The following FCRL2 variants were observed in gnomAD, a reference collection of about 807,000 sequenced individuals.
FCRL2 encodes Fc receptor like 2, also known as Fc receptor-like protein 2.
In FCRL2, 48 loss-of-function variants were observed where a neutral mutation model predicts 59.8. The ratio of observed to expected loss-of-function variants is 0.80; its 90% CI spans 0.64 to 1.02. The LOEUF (loss-of-function observed/expected upper bound fraction) is 1.02. FCRL2 is among the 50% of genes least tolerant of loss of function. The probability of loss-of-function intolerance (pLI) is 0.00; values close to 1 mark genes in which losing one functional copy is unlikely to be tolerated. For synonymous variants in FCRL2, 251 were observed against 229.5 expected, an observed-to-expected ratio of 1.09 and a Z score of -0.85; for missense variants, 658 against 597.3, an observed-to-expected ratio of 1.10 and a Z score of -1.06.
chr1:157,775,627 G>T, intron 2 of FCRL2, 148 bp downstream of exon 2: 1 of 711,432 alleles, frequency 1.4e-6, no homozygotes, highest in Non-Finnish European at 2.2e-6. Context: ...TTGGAAACAG[G>T]CTGCGTGACC....
At chr1:157,768,307 C>G (rs1211852288) in intron 5 of FCRL2, 107 bp downstream of exon 5, 2 of 1,190,048 alleles carry the variant, frequency 1.7e-6, no homozygotes, top group African/African-American at 3.1e-5. Context: ...GCTTTTGGTT[C>G]TCCACAGCAC....
At chr1:157,757,834 C>T (rs768348092) in intron 7 of FCRL2, among the ~76,000 whole-genome samples, 7 of 152,158 alleles carry the variant, frequency 4.6e-5, no homozygotes, top group African/African-American at 7.2e-5. Flanking sequence ...TGGTGGCGGA[C>T]GCCTGCAGTC....
At chr1:157,775,901 C>T (rs1650374926) in intron 1 of FCRL2, 106 bp from the exon 2 acceptor site, 2 of 1,235,326 alleles carry the variant, frequency 1.6e-6, no homozygotes, top group South Asian at 1.4e-5. Context: ...TCCATTTTCC[C>T]TTTCTTTTCT....
At chr1:157,755,545 G>A (rs1648520581) in intron 7 of FCRL2, among the ~76,000 whole-genome samples, 1 of 152,082 alleles carries the variant, frequency 6.6e-6, no homozygotes, top group Admixed American at 6.6e-5. Flanking sequence ...GTACATGTAA[G>A]AAATGACATC....
At chr1:157,760,748 A>AAAGAAAGAAAG in intron 7 of FCRL2, among the ~76,000 whole-genome samples, 1 of 149,174 alleles carries the variant, frequency 6.7e-6, no homozygotes, top group African/African-American at 2.5e-5. Flanking sequence ...AGAAAGAAAG[A>AAAGAAAGAAAG]AAGAAAGAAG....
intron 7 of FCRL2, among the ~76,000 whole-genome samples, chr1:157,761,174 T>C (rs11807232): frequency 8.9e-4 from 135 of 152,288 alleles, no homozygotes; most frequent in African/African-American, 3.2e-3. Context: ...GTGAAACTTA[T>C]GGGAGGAGAA....
chr1:157,776,328 G>C (rs1650410148), intron 1 of FCRL2, among the ~76,000 whole-genome samples: 1 of 152,110 alleles, frequency 6.6e-6, no homozygotes, highest in African/African-American at 2.4e-5. Context: ...GGAGTACAAT[G>C]GTGCGATCTT....
At chr1:157,772,622 A>G (rs757415489) in intron 2 of FCRL2, among the ~76,000 whole-genome samples, 1 of 152,248 alleles carries the variant, frequency 6.6e-6, no homozygotes, top group Admixed American at 6.5e-5. Context: ...CTAGTTGTGA[A>G]GAGCCAGATC....
intron 7 of FCRL2, among the ~76,000 whole-genome samples, chr1:157,760,698 GGAAA>G (rs1163684979): frequency 0.1 from 9,774 of 96,718 alleles, 462 homozygotes; most frequent in South Asian, 0.17. Flanking sequence ...AAAGAAAGAA[GGAAA>G]GAAAGAAAGA....
chr1:157,759,674 A>C (rs930601234), intron 7 of FCRL2, among the ~76,000 whole-genome samples: 1 of 152,246 alleles, frequency 6.6e-6, no homozygotes, highest in African/African-American at 2.4e-5. Context: ...ACATATATGC[A>C]GCCAAAAATC....
At position 157,746,107 on chromosome 1, in the gene FCRL2, C is replaced by T. The variant is rs1557849347; in HGVS notation, c.*629G>A. 6.6e-6 allele frequency: 1 copy of T among 152,168 alleles called. No individual in the cohort carries two copies. The highest frequency in any genetic ancestry group is 1.5e-5 in the Non-Finnish European group (1 of 68,040). The allele number at this position is 152,168 out of a possible 1,614,324, so 9.4% of individuals were successfully genotyped here. A position where few individuals can be genotyped will look rare whatever the true frequency, so the allele number is the denominator to read the frequency against. ...GAATTAGTAATAAAAAACTTACCAA[C>T]CAACACAAAAGCCCTAGACCAGATG... On this transcript the variant is annotated 3_prime_UTR_variant, in exon 12 of 12. Coordinates refer to ENST00000361516, the MANE Select transcript of FCRL2 (RefSeq NM_030764.4).
At chr1:157,758,644 C>T (rs868374377) in intron 7 of FCRL2, among the ~76,000 whole-genome samples, 2 of 110,790 alleles carry the variant, frequency 1.8e-5, no homozygotes, top group African/African-American at 7.4e-5. Context: ...TCATTTGGAA[C>T]CAAAAAAGAG....
intron 11 of FCRL2, 46 bp downstream of exon 11, chr1:157,746,825 G>A (rs1158396191): frequency 1.9e-6 from 3 of 1,613,732 alleles, no homozygotes; most frequent in Non-Finnish European, 2.5e-6. Context: ...AAAATAAATA[G>A]GGAGAAGGAA....
At chr1:157,751,097 A>G (rs1648152425) in intron 7 of FCRL2, among the ~76,000 whole-genome samples, 1 of 152,230 alleles carries the variant, frequency 6.6e-6, no homozygotes, top group South Asian at 2.1e-4. Context: ...AAGACTCAAT[A>G]TCCAATTTGT....
In FCRL2 at chr1:157,767,367, C is replaced by G. The variant is rs1418792053; in HGVS notation, c.1026G>C (p.Gly342=). 6.2e-7 allele frequency: 1 copy of G among 1,614,182 alleles called. No individual in the cohort carries two copies. The highest frequency in any genetic ancestry group is 1.7e-5 in the Admixed American group (1 of 60,028). ...CTCCTCCAGAGGGGGCCGAGCTGTTCCCAAGGGTGACATCCTCATGATAAA... is the reference window on the plus strand; with the variant it reads ...CTCCTCCAGAGGGGGCCGAGCTGTTGCCAAGGGTGACATCCTCATGATAAA... ...YQFYHEDVTL[G]NSSAPSGGGA... Residue 342 remains glycine, a synonymous_variant, in exon 6 of 12, where the codon GGG becomes GGC. Transcript: ENST00000361516.
intron 2 of FCRL2, among the ~76,000 whole-genome samples, chr1:157,774,731 T>G (rs1650281989): frequency 6.6e-6 from 1 of 152,180 alleles, no homozygotes; most frequent in Non-Finnish European, 1.5e-5. Context: ...TGGGACAGAA[T>G]GAATGCAAGA....
intron 2 of FCRL2, among the ~76,000 whole-genome samples, chr1:157,772,213 T>A (rs181492449): frequency 4.8e-4 from 73 of 151,868 alleles, no homozygotes; most frequent in Middle Eastern, 6.8e-3. Context: ...CAGGAAAGAT[T>A]CCTGTAGAGA....
chr1:157,760,344 C>T (rs1462249042), intron 7 of FCRL2, among the ~76,000 whole-genome samples: 2 of 151,828 alleles, frequency 1.3e-5, no homozygotes, highest in African/African-American at 2.4e-5. Context: ...TGGGGCCAGG[C>T]GTGGTGGCTC....
chr1:157,748,872 C>T lies in FCRL2; in HGVS notation c.1393+3G>A. 1 of 1,612,936 alleles carries T rather than the reference C, an allele frequency of 6.2e-7. No homozygotes were observed. The highest frequency in any genetic ancestry group is 8.5e-7 in the Non-Finnish European group (1 of 1,179,342). ...CAGAGCCCTTCCCAGTGGAGACACTCACCATTGACATACACTGGCTGCAGC... is the reference window on the plus strand; with the variant it reads ...CAGAGCCCTTCCCAGTGGAGACACTTACCATTGACATACACTGGCTGCAGC... On this transcript the variant is annotated splice_donor_region_variant and intron_variant, in intron 9 of 11. Transcript: ENST00000361516.
Sources: allele counts gnomAD v4.1 joint callset (sites outside exome capture counted in the v4.1 genomes callset), GRCh38; gene constraint gnomAD v4.1.1; transcripts MANE v1.5; gene names NCBI Gene and HGNC (gene_info 2026-07-23, HGNC 2026-07-21).